Variants in DPYSL5 observed in about 807,000 individuals in gnomAD.
DPYSL5 encodes dihydropyrimidinase-related protein 5.
DPYSL5 carries 9 observed loss-of-function variants against 58.4 expected under a neutral mutation model. That is an observed-to-expected ratio of 0.15 (90% confidence interval 0.09 to 0.27). The LOEUF (loss-of-function observed/expected upper bound fraction) is 0.27. Among genes scored for constraint, DPYSL5 ranks in the 10% least tolerant of loss-of-function variants. The pLI is 1.00. For synonymous variants in DPYSL5, 293 were observed against 301.9 expected (o/e 0.97, Z 0.31); for missense variants, 499 against 770.6 (o/e 0.65, Z 4.17).
chr2:26,942,072 G>C lies in DPYSL5; in HGVS notation c.1212G>C (p.Val404=). The C allele has an allele frequency of 1.2e-6, 2 of 1,614,224 alleles. No individual in the cohort carries two copies. Among genetic ancestry groups the C allele is most frequent in the African/African-American group, 2.7e-5 (2 of 75,052 alleles). Residue 404 remains valine (V), a synonymous_variant, in exon 10 of 13, where the codon GTG becomes GTC. Coordinates refer to ENST00000288699, the MANE Select transcript of DPYSL5 (RefSeq NM_020134.4). This position sits in a 1 kb window ranked among gnomAD's most constrained non-coding sequence, Gnocchi z 5.9. ...IIPGADADVV[V]WDPEATKTIS... Reference sequence around the variant, plus strand: ...CCGGAGCCGATGCTGATGTGGTGGTGTGGGACCCAGAAGCCACAAAGTAAA... The same window carrying C: ...CCGGAGCCGATGCTGATGTGGTGGTCTGGGACCCAGAAGCCACAAAGTAAA...
At chr2:26,939,814 C>T in intron 8 of DPYSL5, 2 of 557,570 alleles carry the variant, frequency 3.6e-6, no homozygotes, top group Non-Finnish European at 3.2e-6. Flanking sequence ...TCTCCTGTGA[C>T]ACAGACAGAC....
intron 1 of DPYSL5, among the ~76,000 whole-genome samples, chr2:26,861,620 C>A (rs137937717): frequency 1.0e-3 from 158 of 152,274 alleles, no homozygotes; most frequent in African/African-American, 3.7e-3. Context: ...GTTAGGAAGC[C>A]TCTGGATGCT....
At chr2:26,889,471 C>A (rs542173336) in intron 1 of DPYSL5, among the ~76,000 whole-genome samples, 1 of 151,980 alleles carries the variant, frequency 6.6e-6, no homozygotes, top group Non-Finnish European at 1.5e-5. Context: ...ACAGTTTCAT[C>A]GTGTTAGCCA....
chr2:26,861,064 T>C (rs1405571390), intron 1 of DPYSL5, among the ~76,000 whole-genome samples: 1 of 152,186 alleles, frequency 6.6e-6, no homozygotes, highest in Non-Finnish European at 1.5e-5. Flanking sequence ...GGTGAAGTTC[T>C]TGGGCCCATG....
At chr2:26,857,085 T>A (rs1379903246) in intron 1 of DPYSL5, among the ~76,000 whole-genome samples, 1 of 152,018 alleles carries the variant, frequency 6.6e-6, no homozygotes, top group Non-Finnish European at 1.5e-5. Context: ...GAGGAAAAGA[T>A]GAAAATCATA....
chr2:26,892,158 A>G (rs546762190), intron 1 of DPYSL5, among the ~76,000 whole-genome samples: 2 of 152,330 alleles, frequency 1.3e-5, no homozygotes, highest in South Asian at 4.1e-4. Context: ...CTGGATTTTT[A>G]TGACCTTTAA....
chr2:26,890,882 T>C (rs1435025173), intron 1 of DPYSL5, among the ~76,000 whole-genome samples: 1 of 152,082 alleles, frequency 6.6e-6, no homozygotes, highest in Non-Finnish European at 1.5e-5. Context: ...GAAAGCGAGC[T>C]CTCTGGTGTC....
intron 1 of DPYSL5, among the ~76,000 whole-genome samples, chr2:26,856,626 A>G (rs1354757489): frequency 1.3e-5 from 2 of 152,022 alleles, no homozygotes; most frequent in Non-Finnish European, 1.5e-5. Flanking sequence ...TTGGGTATAT[A>G]TATACCTAGG....
chr2:26,918,211 C>T (rs957036496), intron 2 of DPYSL5, among the ~76,000 whole-genome samples: 2 of 148,090 alleles, frequency 1.4e-5, no homozygotes, highest in African/African-American at 2.5e-5. Context: ...GCTGCATGGG[C>T]GACATGCCCA....
At position 26,898,809 on chromosome 2, in the gene DPYSL5, C is replaced by T. The variant is rs1206328610; in HGVS notation, c.261+49C>T. ...TGGCTTCCTCTTTGGCTTTTTTATT[C>T]TGCTTCTAGGGCTGCTCCAGACTAG... is the stretch of plus-strand genomic sequence containing the variant. On this transcript the variant is annotated intron_variant, in intron 2 of 12. Transcript: ENST00000288699. The surrounding 1 kb of genome is among the most constrained non-coding windows in gnomAD (Gnocchi z 6.1). 4 of 1,563,542 alleles carry T rather than the reference C, an allele frequency of 2.6e-6. No homozygotes were observed. The East Asian group carries it at 9.0e-5, about 35-fold the overall frequency.
chr2:26,911,474 T>C (rs1377958850), intron 2 of DPYSL5, among the ~76,000 whole-genome samples: 2 of 152,232 alleles, frequency 1.3e-5, no homozygotes, highest in African/African-American at 2.4e-5. Context: ...GAATTTTCTT[T>C]AAAATTTTCT....
chr2:26,900,213 A>G (rs183110472), intron 2 of DPYSL5, among the ~76,000 whole-genome samples: 54 of 152,362 alleles, frequency 3.5e-4, no homozygotes, highest in African/African-American at 1.2e-3. Flanking sequence ...CCCATCAGGG[A>G]TAACCACTAT....
chr2:26,887,002 C>T (rs1471617057), intron 1 of DPYSL5, among the ~76,000 whole-genome samples: 1 of 152,228 alleles, frequency 6.6e-6, no homozygotes, highest in African/African-American at 2.4e-5. Flanking sequence ...TCATGCCAGC[C>T]CGCCTGTATC....
intron 9 of DPYSL5, 80 bp from the exon 10 acceptor site, chr2:26,941,869 TG>T (rs1665329337): frequency 6.3e-7 from 1 of 1,586,870 alleles, no homozygotes; most frequent in Non-Finnish European, 8.6e-7. Context: ...CCTAAGTCCA[TG>T]GGCCAGCATC....
In DPYSL5 at chr2:26,927,363, G is replaced by A. The variant is rs1664854599; in HGVS notation, c.531G>A (p.Val177=). 1 of 1,614,268 alleles carries A rather than the reference G, an allele frequency of 6.2e-7. No homozygotes were observed. Among genetic ancestry groups the A allele is most frequent in the Non-Finnish European group, 8.5e-7 (1 of 1,180,048 alleles). Residue 177 remains valine (V), a synonymous_variant, in exon 4 of 13, where the codon GTG becomes GTA. Transcript: ENST00000288699. The surrounding 1 kb of genome is among the most constrained non-coding windows in gnomAD (Gnocchi z 4.3). ...TTCGAGACAGTGAGCTGTACCAAGTGTTGCACGCTTGCAAGGACATTGGGG... is the reference window on the plus strand; with the variant it reads ...TTCGAGACAGTGAGCTGTACCAAGTATTGCACGCTTGCAAGGACATTGGGG... ...YMLRDSELYQ[V]LHACKDIGAI... is the part of the protein sequence containing the mutation.
intron 1 of DPYSL5, among the ~76,000 whole-genome samples, chr2:26,870,279 A>G (rs915168781): frequency 2.6e-5 from 4 of 152,150 alleles, no homozygotes. Flanking sequence ...TTTATTGGGA[A>G]TGGCATTTCA....
chr2:26,904,868 C>T (rs1481846658), intron 2 of DPYSL5, among the ~76,000 whole-genome samples: 2 of 152,216 alleles, frequency 1.3e-5, no homozygotes, highest in African/African-American at 4.8e-5. Context: ...TGCACCACTG[C>T]ACCCCAGCCT....
In DPYSL5 at chr2:26,889,364, G is replaced by A. The variant is rs991579622; in HGVS notation, c.-4-9132G>A. On this transcript the variant is annotated intron_variant, in intron 1 of 12. Coordinates refer to ENST00000288699, the MANE Select transcript of DPYSL5 (RefSeq NM_020134.4). Reference sequence around the variant, plus strand: ...AGCTCACTGCAAGCGCTGCCTCCCGGGTTCACGCCATTCTCCTGCCTCAGC... The same window carrying A: ...AGCTCACTGCAAGCGCTGCCTCCCGAGTTCACGCCATTCTCCTGCCTCAGC... 1.3e-4 allele frequency among the ~76,000 whole-genome samples: 20 copies of A among 152,026 alleles called. 1 individual carries two copies. Among genetic ancestry groups the A allele is most frequent in the Admixed American group, 1.2e-3 (18 of 15,256 alleles).
At chr2:26,883,938 A>C (rs1663640260) in intron 1 of DPYSL5, among the ~76,000 whole-genome samples, 1 of 152,188 alleles carries the variant, frequency 6.6e-6, no homozygotes, top group African/African-American at 2.4e-5. Context: ...TGAGGTCTCC[A>C]GCTGAGAAGA....
Sources: gnomAD v4.1 joint callset for allele counts (sites outside exome capture counted in the v4.1 genomes callset) on GRCh38, gnomAD v4.1.1 for gene constraint, Gnocchi (gnomAD v3.1) non-coding constraint, MANE v1.5 for transcripts, NCBI Gene and HGNC (gene_info 2026-07-23, HGNC 2026-07-21) for gene names.